The following CTNNA2 variants were observed in gnomAD, a reference collection of about 807,000 sequenced individuals.
CTNNA2 encodes the protein catenin alpha-2.
CTNNA2 carries 42 observed loss-of-function variants against 101.0 expected under a neutral mutation model. The observed-to-expected ratio is 0.42, with a 90% confidence interval of 0.32 to 0.54. The LOEUF (loss-of-function observed/expected upper bound fraction) is 0.54, where lower values mean the gene tolerates loss of function less well. Ranked by LOEUF, CTNNA2 falls within the 20% of genes least tolerant of loss-of-function variation. The pLI is 0.14. For synonymous variants in CTNNA2, 450 were observed against 456.4 expected (o/e 0.99, Z 0.18); for missense variants, 871 against 1,223.1 (o/e 0.71, Z 4.29).
intron 9 of CTNNA2, among the ~76,000 whole-genome samples, chr2:80,468,867 A>G (rs756501393): frequency 7.9e-5 from 12 of 152,198 alleles, no homozygotes; most frequent in Non-Finnish European, 1.6e-4. Context: ...ATGGAGGAGG[A>G]TGATGAATTT....
At position 79,799,205 on chromosome 2, in the gene CTNNA2, A is replaced by G. The variant is rs184926690; in HGVS notation, c.298+54623A>G. On this transcript the variant is annotated intron_variant, in intron 3 of 18. Transcript: ENST00000402739. ...TGTTTTTTTTTTTTTAATCTCTGCC[A>G]GCCTCATTCCCCCTCTTCTTAAATA... Among the ~76,000 whole-genome samples, 890 of 151,268 alleles carry G rather than the reference A, an allele frequency of 5.9e-3. 3 individuals are homozygous for G. The highest frequency in any genetic ancestry group is 0.01 in the Non-Finnish European group (705 of 67,860).
chr2:80,003,595 G>T (rs888297730), intron 7 of CTNNA2, among the ~76,000 whole-genome samples: 31 of 152,184 alleles, frequency 2.0e-4, no homozygotes, highest in Middle Eastern at 3.4e-3. Flanking sequence ...TCACCTCTTA[G>T]TTGTCCACAA....
intron 7 of CTNNA2, among the ~76,000 whole-genome samples, chr2:80,292,786 T>C (rs1675379835): frequency 6.6e-6 from 1 of 152,240 alleles, no homozygotes; most frequent in Non-Finnish European, 1.5e-5. Context: ...GTTGTGCTAC[T>C]TTGATTGAAT....
chr2:79,813,758 T>G (rs964299776), intron 3 of CTNNA2, among the ~76,000 whole-genome samples: 1 of 152,178 alleles, frequency 6.6e-6, no homozygotes, highest in African/African-American at 2.4e-5. Flanking sequence ...GCTAAGGACC[T>G]TCTTTTAAGA....
rs564937462 is a variant in CTNNA2, at chr2:80,069,926, C to G, written c.1056+160129C>G. ...GCCTGAAGGGTCTGGGCTATTCGTA[C>G]TTCTGTCTGGAATGTGTTGTAGTCT... is the stretch of plus-strand genomic sequence containing the variant. On this transcript the variant is annotated intron_variant, in intron 7 of 18. Transcript: ENST00000402739. 4.6e-3 allele frequency among the ~76,000 whole-genome samples: 701 copies of G among 152,320 alleles called. 5 individuals carry two copies. Among genetic ancestry groups the G allele is most frequent in the African/African-American group, 0.016 (677 of 41,566 alleles).
intron 7 of CTNNA2, among the ~76,000 whole-genome samples, chr2:80,019,843 T>C (rs1694428829): frequency 6.6e-6 from 1 of 152,244 alleles, no homozygotes; most frequent in Non-Finnish European, 1.5e-5. Flanking sequence ...CTAAGTGATA[T>C]ATCTAATTGG....
intron 3 of CTNNA2, among the ~76,000 whole-genome samples, chr2:79,795,164 A>G (rs759127137): frequency 1.3e-5 from 2 of 152,218 alleles, no homozygotes. Flanking sequence ...CTATCCAGTT[A>G]GGTGTTCTGT....
intron 3 of CTNNA2, among the ~76,000 whole-genome samples, chr2:79,338,577 C>A (rs113239050): frequency 4.7e-4 from 55 of 116,204 alleles, no homozygotes; most frequent in African/African-American, 1.5e-3. Flanking sequence ...TCCTCCTCAT[C>A]ATCTTCTTCT....
intron 7 of CTNNA2, chr2:80,163,153 G>A (rs1263730182): frequency 1.9e-5 from 29 of 1,530,446 alleles, no homozygotes; most frequent in Non-Finnish European, 6.3e-6. Flanking sequence ...GCCCAGCCTG[G>A]TGGAAAACCT....
chr2:79,546,460 T>C, intron 1 of CTNNA2, among the ~76,000 whole-genome samples: 2 of 152,316 alleles, frequency 1.3e-5, no homozygotes, highest in Middle Eastern at 3.4e-3. Context: ...AAATTATTAT[T>C]ACCGTAGCAC....
intron 4 of CTNNA2, among the ~76,000 whole-genome samples, chr2:79,434,419 G>C (rs536989751): frequency 7.9e-5 from 12 of 152,220 alleles, no homozygotes; most frequent in Non-Finnish European, 1.5e-4. Context: ...AATGTTCGGA[G>C]GATGAAAATG....
intron 1 of CTNNA2, among the ~76,000 whole-genome samples, chr2:79,640,686 A>G (rs1342260122): frequency 2.6e-5 from 4 of 152,232 alleles, no homozygotes; most frequent in Non-Finnish European, 4.4e-5. Context: ...CCCACAATTG[A>G]AAAGATAAAG....
chr2:80,470,128 G>C (rs1205075293), intron 9 of CTNNA2, among the ~76,000 whole-genome samples: 1 of 152,166 alleles, frequency 6.6e-6, no homozygotes, highest in Non-Finnish European at 1.5e-5. Context: ...GTGCCATTTA[G>C]ACATAGACTA....
At chr2:80,494,751 G>GA (rs1687322130) in intron 9 of CTNNA2, among the ~76,000 whole-genome samples, 1 of 133,634 alleles carries the variant, frequency 7.5e-6, no homozygotes. Flanking sequence ...CTAATAAAAG[G>GA]CAAATTTATG....
chr2:80,451,736 G>T (rs1235248497), intron 9 of CTNNA2, among the ~76,000 whole-genome samples: 3 of 152,124 alleles, frequency 2.0e-5, no homozygotes, highest in Non-Finnish European at 4.4e-5. Flanking sequence ...TTGGGGGGAT[G>T]AGGAAATGTT....
chr2:80,589,906 G>GTGTGTGCA (rs1491389605), intron 15 of CTNNA2, among the ~76,000 whole-genome samples: 5 of 146,050 alleles, frequency 3.4e-5, no homozygotes, highest in African/African-American at 1.3e-4. Context: ...GTGTGTGTGT[G>GTGTGTGCA]CGCGCGCGCG....
chr2:79,493,991 A>T (rs1671229626), intron 4 of CTNNA2: 1 of 152,210 alleles, frequency 6.6e-6, no homozygotes, highest in Non-Finnish European at 1.5e-5. Context: ...ATGGAAAATC[A>T]ATATAGAGAA....
chr2:80,506,731 C>G (rs1208217713), intron 9 of CTNNA2, among the ~76,000 whole-genome samples: 2 of 152,156 alleles, frequency 1.3e-5, no homozygotes, highest in Non-Finnish European at 2.9e-5. Context: ...TTCAGGCTAG[C>G]AATGAGGAAG....
At chr2:80,312,428 G>T (rs534339832) in intron 7 of CTNNA2, among the ~76,000 whole-genome samples, 5 of 152,306 alleles carry the variant, frequency 3.3e-5, no homozygotes, top group Non-Finnish European at 7.3e-5. Flanking sequence ...GGTGACCAAG[G>T]GTGACTCAGG....
Sources: allele counts gnomAD v4.1 joint callset (sites outside exome capture counted in the v4.1 genomes callset), GRCh38; gene constraint gnomAD v4.1.1; transcripts MANE v1.5; gene names NCBI Gene and HGNC (gene_info 2026-07-23, HGNC 2026-07-21).